GABRA2: variants seen among roughly 807,000 people sequenced by gnomAD.
The protein encoded by GABRA2 is gamma-aminobutyric acid type A receptor subunit alpha2.
A neutral mutation model predicts 48.7 loss-of-function variants in GABRA2; 16 were observed. The observed-to-expected ratio is 0.33, with a 90% CI of 0.22 to 0.50. GABRA2 has a LOEUF of 0.50. Among genes scored for constraint, GABRA2 ranks in the 20% least tolerant of loss-of-function variants. GABRA2 has a pLI of 0.98. For missense variants in GABRA2, 275 were observed against 535.6 expected, an observed-to-expected ratio of 0.51 and a Z score of 4.80; for synonymous variants, 185 against 184.5, an observed-to-expected ratio of 1.00 and a Z score of -0.02.
chr4:46,381,521 G>T (rs188982454), intron 3 of GABRA2, among the ~76,000 whole-genome samples: 8 of 152,222 alleles, frequency 5.3e-5, no homozygotes, highest in Non-Finnish European at 1.2e-4. Flanking sequence ...GTTTTTCAAA[G>T]AATATTACTT....
chr4:46,321,028 A>G (rs1237477230), intron 4 of GABRA2, among the ~76,000 whole-genome samples: 2 of 151,938 alleles, frequency 1.3e-5, no homozygotes, highest in African/African-American at 2.4e-5. Context: ...TATATGTACA[A>G]TGAAATTCTA....
chr4:46,290,059 C>G (rs1409007338), intron 8 of GABRA2, among the ~76,000 whole-genome samples: 1 of 150,028 alleles, frequency 6.7e-6, no homozygotes, highest in Non-Finnish European at 1.5e-5. Flanking sequence ...TTACAGGCGC[C>G]CGCCACCGTG....
chr4:46,328,265 T>A (rs953175926), intron 4 of GABRA2, among the ~76,000 whole-genome samples: 6 of 140,070 alleles, frequency 4.3e-5, no homozygotes, highest in Non-Finnish European at 7.6e-5. Flanking sequence ...GATTCCAAGA[T>A]AGCAGAGTGT....
intron 4 of GABRA2, among the ~76,000 whole-genome samples, chr4:46,330,137 C>T (rs1381640523): frequency 6.6e-6 from 1 of 151,944 alleles, no homozygotes; most frequent in Non-Finnish European, 1.5e-5. Flanking sequence ...ACTGAAATTC[C>T]ACTCAATGCA....
chr4:46,370,373 C>T (rs1286368576), intron 3 of GABRA2, among the ~76,000 whole-genome samples: 1 of 151,654 alleles, frequency 6.6e-6, no homozygotes, highest in African/African-American at 2.4e-5. Context: ...AGAAAAAAAA[C>T]TGATAAAGAA....
At chr4:46,334,121 C>T (rs1159506454) in intron 3 of GABRA2, among the ~76,000 whole-genome samples, 1 of 151,932 alleles carries the variant, frequency 6.6e-6, no homozygotes, top group African/African-American at 2.4e-5. Flanking sequence ...TTTCAGATGC[C>T]ACCTACTCCA....
rs1253599543 is a variant in GABRA2 at position 46,245,235 on chromosome 4, T to C, written c.*5073A>G. 1.3e-5 allele frequency among the ~76,000 whole-genome samples: 2 copies of C among 151,220 alleles called. No individual in the cohort carries two copies. Among genetic ancestry groups the C allele is most frequent in the Non-Finnish European group, 3.0e-5 (2 of 67,444 alleles). On this transcript the variant is annotated 3_prime_UTR_variant, in exon 10 of 10. Transcript: ENST00000381620. ...GATGGGCTCTCTGTAAGAATTATAC[T>C]CTGAATCATTCCAATTCAAAAAGTA...
chr4:46,250,242 C>A lies in GABRA2; in HGVS notation c.*66G>T. On this transcript the variant is annotated 3_prime_UTR_variant, in exon 10 of 10. Coordinates refer to ENST00000381620, the MANE Select transcript of GABRA2 (RefSeq NM_000807.4). ...CACAAATTAGCAGTTATTAGTCAGA[C>A]TGTACATAGCAAAACAAACCAAATT... is the stretch of plus-strand genomic sequence containing the variant. The A allele has an allele frequency of 7.5e-7, 1 of 1,334,750 alleles. No individual in the cohort carries two copies. Among genetic ancestry groups the A allele is most frequent in the South Asian group, 1.3e-5 (1 of 74,304 alleles). The allele number at this position is 1,334,750 out of a possible 1,614,324, so 82.7% of individuals were successfully genotyped here. A position where few individuals can be genotyped will look rare whatever the true frequency, so the allele number is the denominator to read the frequency against.
intron 8 of GABRA2, among the ~76,000 whole-genome samples, chr4:46,296,882 GT>G (rs1314419882): frequency 5.3e-5 from 8 of 152,180 alleles, no homozygotes; most frequent in Admixed American, 3.9e-4. Context: ...TCTCATTTTC[GT>G]TTTTCATGCT....
chr4:46,357,666 C>CTTTTT (rs530230630), intron 3 of GABRA2, among the ~76,000 whole-genome samples: 1 of 133,082 alleles, frequency 7.5e-6, no homozygotes, highest in Non-Finnish European at 1.6e-5. Flanking sequence ...TATTTTCTTT[C>CTTTTT]TTTTTTTTTT....
chr4:46,363,770 C>T (rs1293678254), intron 3 of GABRA2: 2 of 152,048 alleles, frequency 1.3e-5, no homozygotes, highest in Non-Finnish European at 2.9e-5. Context: ...TAAAATTAAA[C>T]ATTATGAATG....
chr4:46,375,468 AAAG>A (rs1560599519), intron 3 of GABRA2, among the ~76,000 whole-genome samples: 5 of 152,080 alleles, frequency 3.3e-5, no homozygotes, highest in African/African-American at 1.2e-4. Context: ...AAGTTTTTCT[AAAG>A]AAGATAATTG....
chr4:46,290,251 T>A (rs1723378602), intron 8 of GABRA2, among the ~76,000 whole-genome samples: 1 of 151,946 alleles, frequency 6.6e-6, no homozygotes, highest in Admixed American at 6.6e-5. Flanking sequence ...TTAGGTTTTT[T>A]CAGGCTTCTT....
At chr4:46,388,503 T>A in intron 2 of GABRA2, 133 bp downstream of exon 2, 1 of 1,043,298 alleles carries the variant, frequency 9.6e-7, no homozygotes, top group Non-Finnish European at 1.4e-6. Context: ...ACTTCATAGT[T>A]CACTTTCCCC....
intron 8 of GABRA2, among the ~76,000 whole-genome samples, chr4:46,265,471 T>C (rs1201155638): frequency 1.7e-4 from 18 of 105,958 alleles, no homozygotes; most frequent in Admixed American, 3.9e-4. Context: ...ATATATATAA[T>C]ATATTGTGTA....
At position 46,383,866 on chromosome 4, in the gene GABRA2, A is replaced by C. The variant is rs1348091016; in HGVS notation, c.187+2208T>G. Among the ~76,000 whole-genome samples, 3 of 152,200 alleles carry C rather than the reference A, an allele frequency of 2.0e-5. 1 individual carries two copies. The highest frequency in any genetic ancestry group is 4.1e-4 in the South Asian group (2 of 4,828). ...AGAATGAATTATCAAGAGAAAATAA[A>C]TAGATGTGTTTGAAAGGCAGGAAGA... On this transcript the variant is annotated intron_variant, in intron 3 of 9. Coordinates refer to ENST00000381620, the MANE Select transcript of GABRA2 (RefSeq NM_000807.4).
In GABRA2 at chr4:46,310,201, A is replaced by G; in HGVS notation, c.531T>C (p.Ala177=). ...TGCCAAATTTCAGAGGACATGAATG[A>G]GCATCCATTGGGAAATCCTCCAAGT... ...PMHLEDFPMD[A]HSCPLKFGSY... is the part of the protein sequence containing the mutation. The change falls in exon 6 of 10, where the codon GCT becomes GCC. Residue 177 remains alanine, a synonymous_variant. Coordinates refer to ENST00000381620, the MANE Select transcript of GABRA2 (RefSeq NM_000807.4). The G allele has an allele frequency of 6.2e-7, 1 of 1,613,628 alleles. No individual in the cohort carries two copies. The highest frequency in any genetic ancestry group is 8.5e-7 in the Non-Finnish European group (1 of 1,179,634).
intron 4 of GABRA2, among the ~76,000 whole-genome samples, chr4:46,328,376 C>T (rs2109790210): frequency 6.6e-6 from 1 of 150,972 alleles, no homozygotes; most frequent in East Asian, 1.9e-4. Flanking sequence ...TTCTCTCAGG[C>T]TAATGTCATA....
intron 3 of GABRA2, among the ~76,000 whole-genome samples, chr4:46,376,888 G>A (rs554109282): frequency 3.2e-4 from 49 of 151,418 alleles, no homozygotes; most frequent in South Asian, 8.3e-4. Flanking sequence ...GATTGCAGGC[G>A]CGCGCCTGAC....
Sources: allele counts gnomAD v4.1 joint callset (sites outside exome capture counted in the v4.1 genomes callset), GRCh38; gene constraint gnomAD v4.1.1; transcripts MANE v1.5; gene names NCBI Gene and HGNC (gene_info 2026-07-23, HGNC 2026-07-21).